Variants in TNS1 observed in about 807,000 individuals in gnomAD.
TNS1 encodes tensin 1, also known as tensin-1.
Under a neutral mutation model 168.6 loss-of-function variants are expected in TNS1, and 62 were observed. That is an observed-to-expected ratio of 0.37 (90% confidence interval 0.30 to 0.45). The LOEUF is 0.45. Ranked by LOEUF, TNS1 falls within the 20% of genes least tolerant of loss-of-function variation. The pLI is 1.00. For synonymous variants in TNS1, 934 were observed against 933.2 expected, an observed-to-expected ratio of 1.00 and a Z score of -0.02; for missense variants, 2,240 against 2,339.4, an observed-to-expected ratio of 0.96 and a Z score of 0.88.
chr2:217,920,184 CTG>C lies in TNS1; in HGVS notation c.228+9_228+10del. ...GCAGGGCTTGCAGGGCAAGGAAGGG[CTG>C]TCACTCACCACCAGCTCATGGTTGG... On this transcript the variant is annotated intron_variant, in intron 4 of 32. Coordinates refer to ENST00000682258, the MANE Select transcript of TNS1 (RefSeq NM_001387777.1). The C allele has an allele frequency of 1.4e-6, 1 of 703,028 alleles. No individual in the cohort carries two copies. The highest frequency in any genetic ancestry group is 2.6e-6 in the Non-Finnish European group (1 of 384,996). 43.5% of individuals were successfully genotyped at this position (703,028 alleles called of 1,614,324 possible).
intron 18 of TNS1, chr2:217,859,502 C>T (rs1948580079): frequency 1.5e-5 from 11 of 733,044 alleles, no homozygotes; most frequent in Non-Finnish European, 2.6e-5. Flanking sequence ...TGGGGTGTCA[C>T]CCAGGCAGGG....
chr2:217,880,849 G>A lies in TNS1; in HGVS notation c.1429+49C>T, dbSNP rs776310051. 2 of 1,390,456 alleles carry A rather than the reference G, an allele frequency of 1.4e-6. No homozygotes were observed. The highest frequency in any genetic ancestry group is 2.0e-6 in the Non-Finnish European group (2 of 976,802). 86.1% of individuals were successfully genotyped at this position (1,390,456 alleles called of 1,614,324 possible). Reference sequence around the variant, plus strand: ...CAAGAGAAGCAAGGTCATGTGAGCAGAGGCTGTGCAGTTTGGATAGGGGCT... The same window carrying A: ...CAAGAGAAGCAAGGTCATGTGAGCAAAGGCTGTGCAGTTTGGATAGGGGCT... On this transcript the variant is annotated intron_variant, in intron 18 of 32. Transcript: ENST00000682258. This position sits in a 1 kb window ranked among gnomAD's most constrained non-coding sequence, Gnocchi z 4.2.
chr2:217,840,754 G>A (rs935969486), intron 19 of TNS1, among the ~76,000 whole-genome samples: 1 of 152,254 alleles, frequency 6.6e-6, no homozygotes, highest in African/African-American at 2.4e-5. Context: ...AGTCTGGCCA[G>A]GGTGGCCGGA....
In TNS1 at chr2:217,859,803, G is replaced by A. The variant is rs111505372; in HGVS notation, c.1430-10716C>T. 34 of 922,604 alleles carry A rather than the reference G, an allele frequency of 3.7e-5. No homozygotes were observed. The East Asian group carries it at 5.1e-4, about 14-fold the overall frequency. The allele number at this position is 922,604 out of a possible 1,614,324, so 57.2% of individuals were successfully genotyped here. A position where few individuals can be genotyped will look rare whatever the true frequency, so the allele number is the denominator to read the frequency against. The stretch of plus-strand genomic sequence containing the variant: ...CCGAGAGCCATGCAGCTGAAAGGCA[G>A]GTGAACGGCCCTCAAGTTCCCACCA... On this transcript the variant is annotated intron_variant, in intron 18 of 32. Coordinates refer to ENST00000682258, the MANE Select transcript of TNS1 (RefSeq NM_001387777.1).
intron 18 of TNS1, among the ~76,000 whole-genome samples, chr2:217,860,212 T>G (rs1948655121): frequency 6.6e-6 from 1 of 152,132 alleles, no homozygotes; most frequent in South Asian, 2.1e-4. Context: ...ACCTGAGCCC[T>G]CAGCCCCTCG....
At position 217,832,524 on chromosome 2, in the gene TNS1, T is replaced by C. The variant is rs572627038; in HGVS notation, c.3281-977A>G. 2.6e-5 allele frequency among the ~76,000 whole-genome samples: 4 copies of C among 152,338 alleles called. No individual in the cohort carries two copies. In the South Asian group the frequency reaches 8.3e-4, roughly 32 times the overall value. The stretch of plus-strand genomic sequence containing the variant: ...CCTGCAGAGACCACAGCCCCAAGGA[T>C]ACTCTGCCTGCCGAATGGCCTCAAC... On this transcript the variant is annotated intron_variant, in intron 21 of 32. Transcript: ENST00000682258.
In TNS1 at chr2:217,948,195, T is replaced by C. The variant is rs1412225741; in HGVS notation, c.187-27959A>G. 6.6e-6 allele frequency among the ~76,000 whole-genome samples: 1 copy of C among 152,200 alleles called. No homozygotes were observed. The highest frequency in any genetic ancestry group is 1.9e-4 in the East Asian group (1 of 5,192). ...AGTTCCTCTGAGCTGCGCTAAAAGC[T>C]GACAAGATTCCCAGCAGGGAGGGGT... is the stretch of plus-strand genomic sequence containing the variant. On this transcript the variant is annotated intron_variant, in intron 3 of 32. Transcript: ENST00000682258. This position sits in a 1 kb window ranked among gnomAD's most constrained non-coding sequence, Gnocchi z 4.1.
intron 18 of TNS1, among the ~76,000 whole-genome samples, chr2:217,867,995 C>T (rs1949431109): frequency 6.6e-6 from 1 of 152,254 alleles, no homozygotes; most frequent in South Asian, 2.1e-4. Context: ...GTGTTATTGT[C>T]TGCCTCCACT....
chr2:217,825,521 C>T (rs1310935121), intron 22 of TNS1, among the ~76,000 whole-genome samples: 1 of 152,218 alleles, frequency 6.6e-6, no homozygotes, highest in Non-Finnish European at 1.5e-5. Flanking sequence ...TCCCACCAGG[C>T]CCCTGACCCA....
chr2:217,922,857 C>T (rs1439892437), intron 3 of TNS1, among the ~76,000 whole-genome samples: 1 of 152,258 alleles, frequency 6.6e-6, no homozygotes, highest in Non-Finnish European at 1.5e-5. Context: ...CTCCATCCTC[C>T]GCCCACAGCC....
At chr2:217,983,647 G>A (rs1958113974) in intron 2 of TNS1, among the ~76,000 whole-genome samples, 1 of 152,184 alleles carries the variant, frequency 6.6e-6, no homozygotes, top group Admixed American at 6.5e-5. Flanking sequence ...TTTCCTCCTG[G>A]ACTTGGGTCG....
At chr2:217,905,211 C>G (rs1466467724) in intron 6 of TNS1, 16 of 268,156 alleles carry the variant, frequency 6.0e-5, no homozygotes, top group Non-Finnish European at 9.2e-5. Flanking sequence ...GTTCCCCCTG[C>G]ACCCCAGTCC....
At chr2:217,925,579 T>C (rs1397815177) in intron 3 of TNS1, among the ~76,000 whole-genome samples, 1 of 152,244 alleles carries the variant, frequency 6.6e-6, no homozygotes, top group Non-Finnish European at 1.5e-5. Flanking sequence ...GCATTTCATA[T>C]AAGACTGAGT....
intron 23 of TNS1, among the ~76,000 whole-genome samples, chr2:217,819,276 A>G (rs189443314): frequency 2.0e-4 from 30 of 152,240 alleles, no homozygotes; most frequent in Admixed American, 1.9e-3. Context: ...TGGCTCCAAA[A>G]AAGCAAAGAC....
chr2:217,914,901 G>A (rs1209136318), intron 4 of TNS1, among the ~76,000 whole-genome samples: 2 of 152,224 alleles, frequency 1.3e-5, no homozygotes, highest in African/African-American at 4.8e-5. Flanking sequence ...AATGGAAAAT[G>A]AATCCATTTG....
intron 22 of TNS1, among the ~76,000 whole-genome samples, chr2:217,828,593 C>G (rs1286306172): frequency 6.6e-6 from 1 of 152,180 alleles, no homozygotes; most frequent in Admixed American, 6.5e-5. Context: ...CTTTGTTTCA[C>G]CTGCTGGTTT....
intron 2 of TNS1, among the ~76,000 whole-genome samples, chr2:217,980,285 C>T (rs1477764572): frequency 6.6e-6 from 1 of 152,166 alleles, no homozygotes; most frequent in Non-Finnish European, 1.5e-5. Flanking sequence ...CTCAGCCACA[C>T]AAGCGTTACC....
In TNS1 at chr2:217,817,889, G is replaced by C; in HGVS notation, c.4443C>G (p.Phe1481Leu). The change falls in exon 24 of 33, where the codon TTC becomes TTG. Residue 1481 changes from phenylalanine (F) to leucine (L), a missense_variant. By Grantham distance (22) the Phe-to-Leu change is conservative. Transcript: ENST00000682258. ...AGGCTGGTGTTGGGCTCCCTTGCCG[G>C]AAGGCTGCGGAGTCTGGTGACGGGG... is the stretch of plus-strand genomic sequence containing the variant. ...ATSPSPDSAA[F>L]RQGSPTPALP... 1 of 1,613,988 alleles carries C rather than the reference G, an allele frequency of 6.2e-7. No individual in the cohort carries two copies.
chr2:217,966,314 C>CGT (rs1559391891), intron 3 of TNS1, among the ~76,000 whole-genome samples: 3 of 140,740 alleles, frequency 2.1e-5, no homozygotes, highest in African/African-American at 7.7e-5. Context: ...TGTGTGCGCG[C>CGT]GCGCGCGTGT....
Sources: gnomAD v4.1 joint callset for allele counts (sites outside exome capture counted in the v4.1 genomes callset) on GRCh38, gnomAD v4.1.1 for gene constraint, Gnocchi (gnomAD v3.1) non-coding constraint, MANE v1.5 for transcripts, NCBI Gene and HGNC (gene_info 2026-07-23, HGNC 2026-07-21) for gene names.